CNTN4: variants seen among roughly 807,000 people sequenced by gnomAD.
The protein encoded by CNTN4 is contactin 4.
Under a neutral mutation model 122.5 loss-of-function variants are expected in CNTN4, and 77 were observed. The observed-to-expected ratio is 0.63, with a 90% CI of 0.52 to 0.76. The LOEUF is 0.76. Among genes scored for constraint, CNTN4 ranks in the 30% least tolerant of loss-of-function variants. The pLI, the probability that CNTN4 is intolerant of heterozygous loss-of-function variation, is 0.00. For synonymous variants in CNTN4, 512 were observed against 447.0 expected (o/e 1.15, Z -1.83); for missense variants, 1,256 against 1,259.1 (o/e 1.00, Z 0.04).
intron 7 of CNTN4, among the ~76,000 whole-genome samples, chr3:2,822,565 T>TG (rs779211185): frequency 6.6e-6 from 1 of 152,226 alleles, no homozygotes; most frequent in Non-Finnish European, 1.5e-5. Flanking sequence ...AAGATTTTAC[T>TG]AATTTCTTCT....
intron 12 of CNTN4, among the ~76,000 whole-genome samples, chr3:2,922,761 A>G (rs1446564973): frequency 2.0e-5 from 3 of 151,954 alleles, no homozygotes; most frequent in Non-Finnish European, 2.9e-5. Context: ...ACAGAGGTGC[A>G]ACACCACGCC....
chr3:2,884,801 T>C (rs1183753381), intron 9 of CNTN4, among the ~76,000 whole-genome samples: 1 of 152,200 alleles, frequency 6.6e-6, no homozygotes, highest in Non-Finnish European at 1.5e-5. Flanking sequence ...TTAAACTCTA[T>C]TCACACTGTT....
chr3:2,434,121 T>A (rs2048176269), intron 3 of CNTN4, among the ~76,000 whole-genome samples: 3 of 152,156 alleles, frequency 2.0e-5, no homozygotes. Context: ...AATAATGCAT[T>A]ACATACTTCA....
chr3:2,274,881 A>G (rs569442473), intron 2 of CNTN4, among the ~76,000 whole-genome samples: 32 of 110,524 alleles, frequency 2.9e-4, no homozygotes, highest in African/African-American at 8.7e-4. Context: ...GAATTCAAGA[A>G]TGGGGATCAT....
At chr3:2,430,440 A>G in intron 3 of CNTN4, among the ~76,000 whole-genome samples, 1 of 151,088 alleles carries the variant, frequency 6.6e-6, no homozygotes, top group Non-Finnish European at 1.5e-5. Flanking sequence ...AAAAAAAAAA[A>G]AGGAAATGCA....
intron 2 of CNTN4, among the ~76,000 whole-genome samples, chr3:2,131,961 C>G (rs949562088): frequency 6.6e-6 from 1 of 152,086 alleles, no homozygotes. Flanking sequence ...AAGTTCATAC[C>G]CTATGTGTTC....
At chr3:2,223,632 G>C (rs1307456317) in intron 2 of CNTN4, among the ~76,000 whole-genome samples, 1 of 152,132 alleles carries the variant, frequency 6.6e-6, no homozygotes, top group Non-Finnish European at 1.5e-5. Flanking sequence ...TCCCTTGGCT[G>C]GCATCTGGGA....
At chr3:2,166,439 G>A (rs2149206735) in intron 2 of CNTN4, among the ~76,000 whole-genome samples, 1 of 152,198 alleles carries the variant, frequency 6.6e-6, no homozygotes, top group South Asian at 2.1e-4. Flanking sequence ...ACCTGAGATA[G>A]GTCCCAGTAG....
At chr3:2,261,943 T>C (rs1487191950) in intron 2 of CNTN4, among the ~76,000 whole-genome samples, 1 of 152,198 alleles carries the variant, frequency 6.6e-6, no homozygotes, top group Non-Finnish European at 1.5e-5. Context: ...TCTCCCATCT[T>C]AAGTGCCTTT....
intron 4 of CNTN4, among the ~76,000 whole-genome samples, chr3:2,573,441 C>T (rs2079518085): frequency 1.3e-5 from 2 of 152,118 alleles, no homozygotes; most frequent in East Asian, 1.9e-4. Context: ...AGTTGTTTTT[C>T]TCTGGGACCT....
intron 3 of CNTN4, among the ~76,000 whole-genome samples, chr3:2,392,632 T>A (rs13087978): frequency 0.16 from 23,646 of 152,194 alleles, 2,339 homozygotes; most frequent in Middle Eastern, 0.23. Context: ...AGATATTTAT[T>A]TGCAGTGATA....
At position 2,887,062 on chromosome 3, in the gene CNTN4, C is replaced by G. The variant is rs755471277; in HGVS notation, c.778C>G (p.Arg260Gly). 12 of 1,613,744 alleles carry G rather than the reference C, an allele frequency of 7.4e-6. No homozygotes were observed. Among genetic ancestry groups the G allele is most frequent in the Non-Finnish European group, 9.3e-6 (11 of 1,179,846 alleles). ...CAGTCCAGTACCAACTATTATCTGG[C>G]GAAGAGCTGATGGAAAGCCAATAGC... ...LGNPVPTIIW[R>G]RADGKPIARK... Residue 260 changes from arginine to glycine, a missense_variant, in exon 10 of 25, where the codon CGA becomes GGA. Coordinates refer to ENST00000418658, the MANE Select transcript of CNTN4 (RefSeq NM_175607.3).
intron 3 of CNTN4, among the ~76,000 whole-genome samples, chr3:2,513,176 A>T (rs2149087356): frequency 6.6e-6 from 1 of 152,312 alleles, no homozygotes; most frequent in Non-Finnish European, 1.5e-5. Context: ...TGCTAATGAA[A>T]TCTGAAGTAA....
In CNTN4 at chr3:2,672,108, G is replaced by A. The variant is rs148637333; in HGVS notation, c.56-64107G>A. On this transcript the variant is annotated intron_variant, in intron 4 of 24. Transcript: ENST00000418658. ...TCTGTCTGTTCTCAGATCTCAAGCT[G>A]CGTGCTGGGAGAACCACCACTGTCT... Among the ~76,000 whole-genome samples, 12 of 152,320 alleles carry A rather than the reference G, an allele frequency of 7.9e-5. No homozygotes were observed. In the East Asian group the frequency reaches 1.9e-3, roughly 25 times the overall value.
chr3:2,881,359 A>C (rs550818399), intron 8 of CNTN4, among the ~76,000 whole-genome samples: 1 of 152,228 alleles, frequency 6.6e-6, no homozygotes, highest in East Asian at 1.9e-4. Flanking sequence ...CTAAAAATAC[A>C]AAAAGTAGCC....
intron 6 of CNTN4, among the ~76,000 whole-genome samples, chr3:2,783,118 A>AT (rs5846222): frequency 8.5e-4 from 124 of 145,748 alleles, no homozygotes; most frequent in East Asian, 3.4e-3. Context: ...CTCTCTACTA[A>AT]TTTTTTTTTT....
intron 13 of CNTN4, among the ~76,000 whole-genome samples, chr3:2,965,588 C>T (rs1010785373): frequency 4.6e-5 from 7 of 152,158 alleles, no homozygotes; most frequent in East Asian, 1.9e-4. Context: ...GCCTGGTTTC[C>T]GCTGGCTTCT....
chr3:2,763,146 C>T (rs889036778), intron 6 of CNTN4, among the ~76,000 whole-genome samples: 3 of 151,994 alleles, frequency 2.0e-5, no homozygotes, highest in Non-Finnish European at 4.4e-5. Context: ...GGGGTTTCAC[C>T]ATGTTAGCCA....
At chr3:2,942,758 A>G (rs1305403679) in intron 13 of CNTN4, among the ~76,000 whole-genome samples, 5 of 152,344 alleles carry the variant, frequency 3.3e-5, no homozygotes, top group Admixed American at 3.3e-4. Context: ...CAATTTAAAC[A>G]TTTTGTATTG....
Sources: allele counts gnomAD v4.1 joint callset (sites outside exome capture counted in the v4.1 genomes callset), GRCh38; gene constraint gnomAD v4.1.1; transcripts MANE v1.5; gene names NCBI Gene and HGNC (gene_info 2026-07-23, HGNC 2026-07-21).